The following SDK1 variants were observed in gnomAD, a reference collection of about 807,000 sequenced individuals.
SDK1 encodes protein sidekick-1.
A neutral mutation model predicts 245.5 loss-of-function variants in SDK1; 157 were observed. The ratio of observed to expected loss-of-function variants is 0.64; its 90% CI spans 0.56 to 0.73. The LOEUF (loss-of-function observed/expected upper bound fraction) is 0.73. SDK1 is among the 30% of genes least tolerant of loss of function. SDK1 has a pLI of 0.00. For synonymous variants in SDK1, 1,647 were observed against 1,278.5 expected (o/e 1.29, Z -6.15); for missense variants, 3,583 against 3,002.3 (o/e 1.19, Z -4.52).
Position 4,182,845 on chromosome 7 carries a change from C to T in SDK1, c.5098+4259C>T, listed in dbSNP as rs150959067. Among the ~76,000 whole-genome samples, 943 of 152,272 alleles carry T rather than the reference C, an allele frequency of 6.2e-3. 28 individuals are homozygous for T. Among genetic ancestry groups the T allele is most frequent in the South Asian group, 3.3e-3 (16 of 4,824 alleles). On this transcript the variant is annotated intron_variant, in intron 35 of 44. Transcript: ENST00000404826. ...GCAGATGGGGAGCAGTGCCAGGAGC[C>T]GGGGTTCACACAAGGGAATGTAACC...
intron 22 of SDK1, among the ~76,000 whole-genome samples, chr7:4,101,148 CA>C (rs1782510676): frequency 7.0e-6 from 1 of 143,186 alleles, no homozygotes. Context: ...AGGACACTTG[CA>C]TTTTTTTTTT....
At chr7:4,102,092 C>G (rs1782589180) in intron 22 of SDK1, among the ~76,000 whole-genome samples, 1 of 152,208 alleles carries the variant, frequency 6.6e-6, no homozygotes, top group Non-Finnish European at 1.5e-5. Context: ...TGGGCTGATT[C>G]AAAGCCTGAA....
intron 5 of SDK1, among the ~76,000 whole-genome samples, chr7:3,850,065 T>G (rs111671269): frequency 2.0e-5 from 3 of 152,320 alleles, no homozygotes; most frequent in Admixed American, 6.5e-5. Context: ...ACTTGGAGGA[T>G]GTAGGCTTCT....
chr7:3,971,866 A>G (rs748931312), intron 12 of SDK1, among the ~76,000 whole-genome samples: 1 of 152,068 alleles, frequency 6.6e-6, no homozygotes, highest in East Asian at 1.9e-4. Flanking sequence ...AGAGGCTGAT[A>G]CTCAATGAGA....
chr7:3,639,187 C>A, intron 3 of SDK1, 77 bp downstream of exon 3: 1 of 732,336 alleles, frequency 1.4e-6, no homozygotes, highest in Non-Finnish European at 2.2e-6. Context: ...TCACTTTTCA[C>A]CATTGTAGGA....
chr7:4,094,532 C>T (rs1030489432), intron 22 of SDK1, among the ~76,000 whole-genome samples: 1 of 152,168 alleles, frequency 6.6e-6, no homozygotes, highest in Non-Finnish European at 1.5e-5. Flanking sequence ...ACAAGGAGAA[C>T]CTGCCTTCAG....
At chr7:3,753,643 AT>A (rs1238012650) in intron 4 of SDK1, among the ~76,000 whole-genome samples, 4 of 152,172 alleles carry the variant, frequency 2.6e-5, no homozygotes, top group African/African-American at 9.7e-5. Context: ...TCTCCCGACA[AT>A]TCTGTAAACC....
chr7:4,207,905 C>A (rs899061147), intron 36 of SDK1, among the ~76,000 whole-genome samples, 194 bp from the exon 37 acceptor site: 2 of 152,160 alleles, frequency 1.3e-5, no homozygotes, highest in African/African-American at 4.8e-5. Flanking sequence ...CATTAGCAGC[C>A]AGGGGTCCCC....
In SDK1 at chr7:4,079,487, T is replaced by C. The variant is rs747163624; in HGVS notation, c.3227T>C (p.Leu1076Pro). 2 of 1,614,204 alleles carry C rather than the reference T, an allele frequency of 1.2e-6. No individual in the cohort carries two copies. The highest frequency in any genetic ancestry group is 1.7e-6 in the Non-Finnish European group (2 of 1,180,030). ...PPDLPGAPSN[L>P]VISNISPRSA... ...GACCTTCCTGGTGCCCCATCCAACCTGGTCATTTCCAACATCAGCCCTCGC... is the reference window on the plus strand; with the variant it reads ...GACCTTCCTGGTGCCCCATCCAACCCGGTCATTTCCAACATCAGCCCTCGC... Residue 1076 changes from leucine (L) to proline (P), a missense_variant, in exon 22 of 45, where the codon CTG (leucine) becomes CCG (proline). Transcript: ENST00000404826.
At chr7:3,832,308 A>T (rs1418975914) in intron 5 of SDK1, among the ~76,000 whole-genome samples, 1 of 152,214 alleles carries the variant, frequency 6.6e-6, no homozygotes, top group South Asian at 2.1e-4. Flanking sequence ...TTTTAAAATC[A>T]TGTTGTAATT....
chr7:4,002,480 G>A (rs1421919788), intron 14 of SDK1, among the ~76,000 whole-genome samples: 1 of 152,164 alleles, frequency 6.6e-6, no homozygotes, highest in Non-Finnish European at 1.5e-5. Flanking sequence ...ACAGGTCGGA[G>A]TCTCCAAAAA....
chr7:3,569,082 A>C (rs1463456360), intron 1 of SDK1, among the ~76,000 whole-genome samples: 5 of 150,994 alleles, frequency 3.3e-5, no homozygotes, highest in Non-Finnish European at 7.4e-5. Context: ...AAAATTAACG[A>C]GTCTGTATTT....
intron 1 of SDK1, among the ~76,000 whole-genome samples, chr7:3,437,939 G>A (rs904924463): frequency 2.0e-5 from 3 of 152,086 alleles, no homozygotes; most frequent in Admixed American, 6.6e-5. Flanking sequence ...CTCCCCCTAC[G>A]TTTGTGTATG....
At chr7:3,666,504 C>T (rs1783536901) in intron 4 of SDK1, among the ~76,000 whole-genome samples, 2 of 152,180 alleles carry the variant, frequency 1.3e-5, no homozygotes, top group Admixed American at 1.3e-4. Flanking sequence ...ACAGCAGGTT[C>T]AGTGTGGTTT....
intron 5 of SDK1, among the ~76,000 whole-genome samples, chr7:3,826,731 G>A (rs540228954): frequency 6.6e-6 from 1 of 152,206 alleles, no homozygotes; most frequent in Non-Finnish European, 1.5e-5. Context: ...CTTGCGTACA[G>A]AGTGTCACCT....
At chr7:4,202,488 A>C (rs906000169) in intron 35 of SDK1, among the ~76,000 whole-genome samples, 1 of 152,192 alleles carries the variant, frequency 6.6e-6, no homozygotes, top group East Asian at 1.9e-4. Context: ...GACTCTCCAG[A>C]AAGTGAGTTG....
At chr7:3,633,319 T>G (rs993962032) in intron 2 of SDK1, among the ~76,000 whole-genome samples, 4 of 152,190 alleles carry the variant, frequency 2.6e-5, no homozygotes, top group African/African-American at 7.2e-5. Context: ...ATGAATCAAA[T>G]TAAGTTCCCT....
intron 1 of SDK1, among the ~76,000 whole-genome samples, chr7:3,308,753 A>AGT (rs1453904405): frequency 6.6e-6 from 1 of 152,084 alleles, no homozygotes; most frequent in Non-Finnish European, 1.5e-5. Flanking sequence ...GTCTTTGTGC[A>AGT]GTGTTTGGTT....
At chr7:3,910,378 A>G (rs1779122376) in intron 5 of SDK1, among the ~76,000 whole-genome samples, 1 of 152,198 alleles carries the variant, frequency 6.6e-6, no homozygotes, top group South Asian at 2.1e-4. Context: ...GTGTTGGAGA[A>G]TTTGCATGTG....
Sources: gnomAD v4.1 joint callset for allele counts (sites outside exome capture counted in the v4.1 genomes callset) on GRCh38, gnomAD v4.1.1 for gene constraint, MANE v1.5 for transcripts, NCBI Gene and HGNC (gene_info 2026-07-23, HGNC 2026-07-21) for gene names.